SLC2A9: variants seen among roughly 807,000 people sequenced by gnomAD.
The protein encoded by SLC2A9 is solute carrier family 2 member 9, also known as solute carrier family 2, facilitated glucose transporter member 9.
Under a neutral mutation model 50.6 loss-of-function variants are expected in SLC2A9, and 39 were observed. The observed-to-expected ratio is 0.77, with a 90% CI of 0.60 to 1.01. SLC2A9 has a LOEUF of 1.01. Among genes scored for constraint, SLC2A9 ranks in the 50% least tolerant of loss-of-function variants. SLC2A9 has a pLI of 0.00. For synonymous variants in SLC2A9, 324 were observed against 276.9 expected, an observed-to-expected ratio of 1.17 and a Z score of -1.69; for missense variants, 686 against 677.6, an observed-to-expected ratio of 1.01 and a Z score of -0.14.
intron 10 of SLC2A9, among the ~76,000 whole-genome samples, chr4:9,836,961 G>A (rs1462331886): frequency 2.0e-5 from 3 of 152,106 alleles, no homozygotes; most frequent in African/African-American, 7.2e-5. Flanking sequence ...AGCAGCCCAG[G>A]GTGACAAAGC....
intron 6 of SLC2A9, 130 bp from the exon 7 acceptor site, chr4:9,920,702 C>T (rs554933213): frequency 4.9e-6 from 5 of 1,026,132 alleles, no homozygotes; most frequent in East Asian, 2.6e-5. Flanking sequence ...TTGGCAGGGG[C>T]CTTTGAAACT....
rs535058440 is a variant in SLC2A9, at chr4:10,026,696, G to A, written c.-40-690C>T. On this transcript the variant is annotated intron_variant, in intron 1 of 12. Transcript: ENST00000309065. ...ACTCAGCAATAAACAGAAGTGAAGC[G>A]CTGATACAGGCTACAACATGAATGC... Among the ~76,000 whole-genome samples, 12 of 152,294 alleles carry A rather than the reference G, an allele frequency of 7.9e-5. No homozygotes were observed. The South Asian group carries it at 1.0e-3, about 13-fold the overall frequency.
At chr4:9,987,506 G>C (rs1254663977) in intron 3 of SLC2A9, among the ~76,000 whole-genome samples, 1 of 152,102 alleles carries the variant, frequency 6.6e-6, no homozygotes, top group Admixed American at 6.6e-5. Context: ...TTTTCCTATA[G>C]ACTCAATGAG....
intron 5 of SLC2A9, among the ~76,000 whole-genome samples, chr4:9,962,359 C>T (rs1752392913): frequency 6.6e-6 from 1 of 152,134 alleles, no homozygotes; most frequent in Admixed American, 6.5e-5. Context: ...AAATGTGGTA[C>T]ATATATACTA....
intron 6 of SLC2A9, 27 bp downstream of exon 6, chr4:9,941,886 C>T: frequency 6.2e-7 from 1 of 1,613,628 alleles, no homozygotes; most frequent in Non-Finnish European, 8.5e-7. Flanking sequence ...GGGGCTGGAG[C>T]TGTGCAGGAA....
intron 3 of SLC2A9, among the ~76,000 whole-genome samples, chr4:9,805,586 A>C (rs919930900): frequency 2.4e-4 from 37 of 151,676 alleles, no homozygotes; most frequent in Non-Finnish European, 7.4e-5. Flanking sequence ...TTGTAGTCTT[A>C]CCTACTCAGG....
intron 3 of SLC2A9, among the ~76,000 whole-genome samples, chr4:9,792,104 C>A (rs1465131087): frequency 6.6e-6 from 1 of 151,510 alleles, no homozygotes; most frequent in African/African-American, 2.4e-5. Context: ...GATTTGAAAG[C>A]CTGTGCTCAT....
At chr4:9,836,088 C>CAAAAAAAAAAAAAAAAAAAAAA (rs35303241) in intron 10 of SLC2A9, among the ~76,000 whole-genome samples, 1 of 48,224 alleles carries the variant, frequency 2.1e-5, no homozygotes, top group Non-Finnish European at 3.5e-5. Flanking sequence ...AACTCCCTCT[C>CAAAAAAAAAAAAAAAAAAAAAA]AAAAAAAAAA....
intron 4 of SLC2A9, among the ~76,000 whole-genome samples, chr4:9,984,747 G>A (rs1238772076): frequency 6.6e-6 from 1 of 152,066 alleles, no homozygotes; most frequent in African/African-American, 2.4e-5. Flanking sequence ...TCCCCACCTA[G>A]CCCAGTCCCT....
At chr4:9,818,290 C>G (rs1006242398) in intron 3 of SLC2A9, among the ~76,000 whole-genome samples, 4 of 152,186 alleles carry the variant, frequency 2.6e-5, no homozygotes, top group African/African-American at 9.7e-5. Flanking sequence ...ACTCCTCCCC[C>G]AAGCAAGGAG....
At chr4:9,809,165 C>A (rs1343843719) in intron 3 of SLC2A9, among the ~76,000 whole-genome samples, 2 of 152,114 alleles carry the variant, frequency 1.3e-5, no homozygotes. Context: ...TTGAGCAGGT[C>A]ACAGATGTCA....
chr4:9,788,380 G>A (rs1295370375), intron 3 of SLC2A9, among the ~76,000 whole-genome samples: 4 of 132,010 alleles, frequency 3.0e-5, no homozygotes, highest in African/African-American at 5.6e-5. Context: ...TTGTAGAGAC[G>A]GGGACTCCCT....
At chr4:9,888,513 G>C (rs929959135) in intron 9 of SLC2A9, among the ~76,000 whole-genome samples, 8 of 152,174 alleles carry the variant, frequency 5.3e-5, no homozygotes, top group African/African-American at 1.7e-4. Context: ...TCCTGCTCTA[G>C]CAGACTGGAC....
In SLC2A9 at chr4:9,931,913, ACTCTCTCT is replaced by A. The variant is rs1163786274; in HGVS notation, c.814+9992_814+9999del. On this transcript the variant is annotated intron_variant, in intron 6 of 11. Coordinates refer to ENST00000264784, the MANE Select transcript of SLC2A9 (RefSeq NM_020041.3). ...TGCAGGGAGACCTGAAATGAGAATGACTCTCTCTCTCTCTCTCTCTCTCTCTCTCTCTC... is the reference window on the plus strand; with the variant it reads ...TGCAGGGAGACCTGAAATGAGAATGACTCTCTCTCTCTCTCTCTCTCTCTC... 7.7e-3 allele frequency among the ~76,000 whole-genome samples: 120 copies of A among 15,606 alleles called. 3 individuals are homozygous for A. Among genetic ancestry groups the A allele is most frequent in the South Asian group, 0.017 (5 of 302 alleles). The allele number at this position is 15,606 out of a possible 152,430, so 10.2% of individuals were successfully genotyped here.
In SLC2A9 at chr4:9,834,900, A is replaced by G. The variant is rs1726774392; in HGVS notation, c.1400T>C (p.Leu467Pro). The change falls in exon 11 of 12, where the codon CTC becomes CCC. Residue 467 changes from leucine to proline, a missense_variant. By Grantham distance (98) the Leu-to-Pro change is moderately conservative. Coordinates refer to ENST00000264784, the MANE Select transcript of SLC2A9 (RefSeq NM_020041.3). ...TCATACCTGAATGAATGGGAAGAGGAGCCCAACAGCAAAGTTGGAGAGCCA... is the reference window on the plus strand; with the variant it reads ...TCATACCTGAATGAATGGGAAGAGGGGCCCAACAGCAAAGTTGGAGAGCCA... ...VNWLSNFAVG[L>P]LFPFIQKSLD... 1 of 1,614,182 alleles carries G rather than the reference A, an allele frequency of 6.2e-7. No homozygotes were observed. Among genetic ancestry groups the G allele is most frequent in the Non-Finnish European group, 8.5e-7 (1 of 1,180,040 alleles).
chr4:9,932,855 C>G (rs1234640708), intron 6 of SLC2A9, among the ~76,000 whole-genome samples: 2 of 152,202 alleles, frequency 1.3e-5, no homozygotes, highest in Non-Finnish European at 2.9e-5. Flanking sequence ...CTAGCAGAGT[C>G]CTGTTAGATT....
chr4:10,006,964 C>T (rs1450273517), intron 2 of SLC2A9, among the ~76,000 whole-genome samples: 2 of 152,026 alleles, frequency 1.3e-5, no homozygotes, highest in Non-Finnish European at 1.5e-5. Context: ...GTTGTCACAA[C>T]TCGTTGCTGT....
intron 11 of SLC2A9, among the ~76,000 whole-genome samples, chr4:9,834,625 G>C (rs112349905): frequency 1.4e-4 from 21 of 152,252 alleles, no homozygotes; most frequent in African/African-American, 4.1e-4. Context: ...TAACCTAGGA[G>C]TCCTTGCATA....
chr4:9,943,235 G>C (rs932352713), intron 5 of SLC2A9, among the ~76,000 whole-genome samples: 1 of 152,226 alleles, frequency 6.6e-6, no homozygotes, highest in African/African-American at 2.4e-5. Flanking sequence ...GAGTGAGTGG[G>C]GAAGTGGCCT....
Sources: allele counts gnomAD v4.1 joint callset (sites outside exome capture counted in the v4.1 genomes callset), GRCh38; gene constraint gnomAD v4.1.1; transcripts MANE v1.5; gene names NCBI Gene and HGNC (gene_info 2026-07-23, HGNC 2026-07-21).